The following BCAS4 variants were observed in gnomAD, a reference collection of about 807,000 sequenced individuals.
BCAS4 encodes breast carcinoma amplified sequence 4, also known as breast carcinoma-amplified sequence 4.
A neutral mutation model predicts 15.7 loss-of-function variants in BCAS4; 9 were observed. The ratio of observed to expected loss-of-function variants is 0.57; its 90% confidence interval spans 0.34 to 1.00. The LOEUF is 1.00. Ranked by LOEUF, BCAS4 falls within the 50% of genes least tolerant of loss-of-function variation. The pLI is 0.02. For missense variants in BCAS4, 225 were observed against 239.1 expected (o/e 0.94, Z 0.39); for synonymous variants, 101 against 99.5 (o/e 1.02, Z -0.09).
chr20:50,795,295 C>A, intron 1 of BCAS4, 122 bp downstream of exon 1: 3 of 948,238 alleles, frequency 3.2e-6, no homozygotes, highest in Non-Finnish European at 4.2e-6. Flanking sequence ...GGGATTCCCC[C>A]CTTCCTGAAG....
intron 4 of BCAS4, among the ~76,000 whole-genome samples, chr20:50,849,667 TG>T (rs978693024): frequency 6.6e-6 from 1 of 152,228 alleles, no homozygotes; most frequent in Non-Finnish European, 1.5e-5. Context: ...GTGGAACCTT[TG>T]CCTGGCGCCA....
At chr20:50,852,086 G>A (rs772857301) in intron 4 of BCAS4, among the ~76,000 whole-genome samples, 3 of 152,224 alleles carry the variant, frequency 2.0e-5, no homozygotes, top group East Asian at 1.9e-4. Context: ...CAGGCCACCC[G>A]GTACGGAGTA....
chr20:50,839,465 C>T (rs535996342), intron 3 of BCAS4, among the ~76,000 whole-genome samples: 2 of 152,256 alleles, frequency 1.3e-5, no homozygotes, highest in Admixed American at 6.5e-5. Flanking sequence ...ATTTGATGGG[C>T]TCTTAATATG....
At chr20:50,844,081 G>A (rs2088514734) in intron 4 of BCAS4, among the ~76,000 whole-genome samples, 1 of 151,734 alleles carries the variant, frequency 6.6e-6, no homozygotes, top group African/African-American at 2.4e-5. Flanking sequence ...CCTGGGAGGT[G>A]GAGGTTTCGG....
chr20:50,882,343 T>G, the BCAS4 span: 2 of 152,238 alleles, frequency 1.3e-5, no homozygotes, highest in Non-Finnish European at 2.9e-5. Flanking sequence ...AAGTGATTAT[T>G]GATCTGGGTT....
intron 3 of BCAS4, chr20:50,841,027 A>T (rs1254899260): frequency 5.3e-6 from 2 of 373,998 alleles, no homozygotes; most frequent in Admixed American, 7.7e-5. Context: ...ACGCAGTTTC[A>T]CCATGTTGGC....
At chr20:50,817,103 A>T (rs2088149278) in intron 1 of BCAS4, among the ~76,000 whole-genome samples, 1 of 143,590 alleles carries the variant, frequency 7.0e-6, no homozygotes, top group Non-Finnish European at 1.5e-5. Flanking sequence ...ACCTGGGCTA[A>T]TTTTTTTTTT....
At chr20:50,819,999 C>T (rs1186460087) in intron 2 of BCAS4, among the ~76,000 whole-genome samples, 2 of 152,140 alleles carry the variant, frequency 1.3e-5, no homozygotes, top group African/African-American at 2.4e-5. Context: ...TACAAGCATG[C>T]ACCACCATGC....
At chr20:50,874,344 A>T (rs1054968877) in intron 4 of BCAS4, among the ~76,000 whole-genome samples, 141 of 152,086 alleles carry the variant, frequency 9.3e-4, no homozygotes, top group Non-Finnish European at 1.1e-3. Flanking sequence ...TGGTACCTCT[A>T]TACCCCTGTT....
chr20:50,818,620 T>C (rs978774888), intron 2 of BCAS4, among the ~76,000 whole-genome samples: 4 of 152,158 alleles, frequency 2.6e-5, no homozygotes, highest in African/African-American at 9.7e-5. Context: ...CTAGACTATA[T>C]TTAACTTTCC....
chr20:50,820,696 G>A (rs141561828), intron 2 of BCAS4, among the ~76,000 whole-genome samples: 14 of 152,306 alleles, frequency 9.2e-5, no homozygotes, highest in African/African-American at 3.1e-4. Context: ...AGACCCATGT[G>A]GCCCAGCCCT....
intron 2 of BCAS4, among the ~76,000 whole-genome samples, chr20:50,824,731 C>G (rs2088257421): frequency 6.6e-6 from 1 of 152,098 alleles, no homozygotes; most frequent in Non-Finnish European, 1.5e-5. Flanking sequence ...CTGGGGTTAA[C>G]AAAAGTGGCA....
intron 4 of BCAS4, among the ~76,000 whole-genome samples, chr20:50,872,728 C>T (rs1353232251): frequency 2.6e-5 from 4 of 152,246 alleles, no homozygotes; most frequent in South Asian, 4.1e-4. Context: ...GGCTCATGCC[C>T]CTCTGCCCCT....
Position 50,851,474 on chromosome 20 carries a change from C to G in BCAS4, c.399+9574C>G, listed in dbSNP as rs1978416903. ...GGTTTGGGAATCAAATTGTGTTTTT[C>G]AGGCATTTCATTCTTGCTGAGATTT... On this transcript the variant is annotated intron_variant, in intron 4 of 4. Transcript: ENST00000371608. The surrounding 1 kb of genome is among the most constrained non-coding windows in gnomAD (Gnocchi z 4.3). Among the ~76,000 whole-genome samples the G allele has an allele frequency of 6.6e-6, 1 of 152,116 alleles. No individual in the cohort carries two copies. Among genetic ancestry groups the G allele is most frequent in the South Asian group, 2.1e-4 (1 of 4,822 alleles).
downstream of BCAS4, chr20:50,881,732 C>T (rs1980120348): frequency 6.6e-6 from 1 of 151,594 alleles, no homozygotes; most frequent in African/African-American, 2.4e-5. Context: ...GTGATCTCAG[C>T]TCACTGCAAC....
chr20:50,863,369 TG>T (rs1173258382), intron 4 of BCAS4, among the ~76,000 whole-genome samples: 1 of 147,708 alleles, frequency 6.8e-6, no homozygotes, highest in Non-Finnish European at 1.5e-5. Flanking sequence ...GCAATTCTCC[TG>T]CCTCAGCCTC....
chr20:50,856,542 G>A (rs1384405398), intron 4 of BCAS4, among the ~76,000 whole-genome samples: 1 of 152,232 alleles, frequency 6.6e-6, no homozygotes, highest in Admixed American at 6.5e-5. Flanking sequence ...ATTTCAAGGT[G>A]CCACCCTGAT....
chr20:50,820,143 G>A (rs545858454), intron 2 of BCAS4, among the ~76,000 whole-genome samples: 4 of 152,252 alleles, frequency 2.6e-5, no homozygotes, highest in Admixed American at 6.5e-5. Flanking sequence ...CACCATGCCC[G>A]GCTGCATTGG....
At chr20:50,823,141 ACCAG>A (rs1474046533) in intron 2 of BCAS4, among the ~76,000 whole-genome samples, 5 of 150,728 alleles carry the variant, frequency 3.3e-5, no homozygotes, top group African/African-American at 7.3e-5. Context: ...GGAGTTTGAG[ACCAG>A]CCTGGCCAAC....
Sources: gnomAD v4.1 joint callset for allele counts (sites outside exome capture counted in the v4.1 genomes callset) on GRCh38, gnomAD v4.1.1 for gene constraint, Gnocchi (gnomAD v3.1) non-coding constraint, MANE v1.5 for transcripts, NCBI Gene and HGNC (gene_info 2026-07-23, HGNC 2026-07-21) for gene names.